The following MACROD2 variants were observed in gnomAD, a reference collection of about 807,000 sequenced individuals.
The protein encoded by MACROD2 is mono-ADP ribosylhydrolase 2, also known as ADP-ribose glycohydrolase MACROD2.
In MACROD2, 36 loss-of-function variants were observed where a neutral mutation model predicts 70.4. That is an observed-to-expected ratio of 0.51 (90% CI 0.39 to 0.68). The LOEUF (loss-of-function observed/expected upper bound fraction) is 0.68. MACROD2 is among the 30% of genes least tolerant of loss of function. MACROD2 has a pLI of 0.00. For missense variants in MACROD2, 496 were observed against 538.4 expected (o/e 0.92, Z 0.78); for synonymous variants, 172 against 178.8 (o/e 0.96, Z 0.30).
intron 5 of MACROD2, among the ~76,000 whole-genome samples, chr20:14,752,774 CA>C (rs903042937): frequency 1.3e-5 from 2 of 151,984 alleles, no homozygotes; most frequent in African/African-American, 4.8e-5. Flanking sequence ...TCATGAGACA[CA>C]GATTTTGTAG....
At chr20:15,663,518 G>T (rs1320057947) in intron 8 of MACROD2, among the ~76,000 whole-genome samples, 1 of 151,930 alleles carries the variant, frequency 6.6e-6, no homozygotes, top group African/African-American at 2.4e-5. Context: ...ATATAGGCAT[G>T]AGCCATCGTG....
intron 3 of MACROD2, among the ~76,000 whole-genome samples, chr20:14,210,362 G>T (rs2081560359): frequency 1.3e-5 from 2 of 152,208 alleles, no homozygotes; most frequent in Admixed American, 6.5e-5. Flanking sequence ...AGGAACCTAT[G>T]TCGGCACCCA....
At chr20:14,051,846 T>G in intron 2 of MACROD2, 1 of 493,252 alleles carries the variant, frequency 2.0e-6, no homozygotes, top group Admixed American at 2.1e-5. Flanking sequence ...ATCCTTTTTG[T>G]GAGGAGATGG....
intron 8 of MACROD2, among the ~76,000 whole-genome samples, chr20:15,636,076 G>GAAAAAAAAAAAAA (rs57402806): frequency 3.6e-4 from 31 of 85,830 alleles, no homozygotes; most frequent in South Asian, 6.0e-4. Context: ...CCTCTCAAAA[G>GAAAAAAAAAAAAA]AAAAAAAAAA....
intron 8 of MACROD2, among the ~76,000 whole-genome samples, chr20:15,567,560 C>T (rs982362405): frequency 3.7e-4 from 57 of 152,216 alleles, no homozygotes; most frequent in African/African-American, 1.1e-3. Flanking sequence ...TTTCCAGACT[C>T]CTGGGTACCT....
At position 15,236,875 on chromosome 20, in the gene MACROD2, G is replaced by A. The variant is rs1053638657; in HGVS notation, c.540+6814G>A. Among the ~76,000 whole-genome samples the A allele has an allele frequency of 2.0e-5, 3 of 152,268 alleles. No homozygotes were observed. The South Asian group carries it at 6.2e-4, about 32-fold the overall frequency. ...AAACTGAGGTAGTCTAAATCTAGTGGCCTAAGCCACTGTGAAGTTCCTTTT... is the reference window on the plus strand; with the variant it reads ...AAACTGAGGTAGTCTAAATCTAGTGACCTAAGCCACTGTGAAGTTCCTTTT... On this transcript the variant is annotated intron_variant, in intron 6 of 17. Transcript: ENST00000684519.
At position 13,995,566 on chromosome 20, in the gene MACROD2, G is replaced by A; in HGVS notation, c.-198G>A. ...CGGCGTCCGCGGGGCTGAGGCGGGT[G>A]GGAGCCGGAGCCGAGCGCGGGCTGA... On this transcript the variant is annotated 5_prime_UTR_variant, in exon 1 of 18. Transcript: ENST00000684519. This position sits in a 1 kb window ranked among gnomAD's most constrained non-coding sequence, Gnocchi z 4.3. The A allele has an allele frequency of 4.6e-6, 3 of 657,792 alleles. No homozygotes were observed. The highest frequency in any genetic ancestry group is 8.4e-6 in the Non-Finnish European group (3 of 356,982). 40.7% of individuals were successfully genotyped at this position (657,792 alleles called of 1,614,324 possible). A position where few individuals can be genotyped will look rare whatever the true frequency, so the allele number is the denominator to read the frequency against.
At chr20:15,818,381 C>A (rs753729967) in intron 8 of MACROD2, among the ~76,000 whole-genome samples, 4 of 152,168 alleles carry the variant, frequency 2.6e-5, no homozygotes, top group Non-Finnish European at 5.9e-5. Flanking sequence ...GTTCCTCCCC[C>A]TTTTAGACCA....
chr20:15,950,474 T>C (rs1004200121), intron 12 of MACROD2, among the ~76,000 whole-genome samples: 1 of 152,094 alleles, frequency 6.6e-6, no homozygotes. Context: ...CAACTGATCA[T>C]TGTAAATAAA....
At chr20:15,439,093 T>A (rs564550597) in intron 7 of MACROD2, among the ~76,000 whole-genome samples, 1 of 152,318 alleles carries the variant, frequency 6.6e-6, no homozygotes, top group South Asian at 2.1e-4. Context: ...TACAGCATTT[T>A]ACTTCAGTTA....
intron 3 of MACROD2, among the ~76,000 whole-genome samples, chr20:14,380,004 G>A (rs1216329138): frequency 6.6e-6 from 1 of 152,004 alleles, no homozygotes; most frequent in East Asian, 1.9e-4. Flanking sequence ...TCTATGTTTA[G>A]TTTTTAAGGA....
intron 10 of MACROD2, among the ~76,000 whole-genome samples, chr20:15,908,513 T>G (rs1490674212): frequency 3.3e-5 from 5 of 152,242 alleles, no homozygotes; most frequent in Non-Finnish European, 1.5e-5. Flanking sequence ...CCTTTGAATG[T>G]GTCCTGCTTC....
At chr20:15,005,628 T>C (rs2075029653) in intron 5 of MACROD2, among the ~76,000 whole-genome samples, 1 of 152,174 alleles carries the variant, frequency 6.6e-6, no homozygotes, top group Non-Finnish European at 1.5e-5. Context: ...AGGTAGTTCT[T>C]CTATCTTTAG....
chr20:14,434,700 A>G lies in MACROD2; in HGVS notation c.272-58779A>G, dbSNP rs949574156. Among the ~76,000 whole-genome samples the G allele has an allele frequency of 6.6e-5, 10 of 152,144 alleles. No individual in the cohort carries two copies. In the South Asian group the frequency reaches 1.2e-3, roughly 19 times the overall value. On this transcript the variant is annotated intron_variant, in intron 3 of 17. Coordinates refer to ENST00000684519, the MANE Select transcript of MACROD2 (RefSeq NM_001351661.2). ...CATGCTATTGTTTTTCCTTTTTTCAAAATAACTCTCTTGACTCTATGTCCC... is the reference window on the plus strand; with the variant it reads ...CATGCTATTGTTTTTCCTTTTTTCAGAATAACTCTCTTGACTCTATGTCCC...
intron 5 of MACROD2, among the ~76,000 whole-genome samples, chr20:14,916,204 C>G (rs1346040299): frequency 6.6e-6 from 1 of 152,166 alleles, no homozygotes; most frequent in African/African-American, 2.4e-5. Flanking sequence ...TAATTCCCAA[C>G]TCCGTCAGAG....
chr20:15,504,699 A>T (rs1277888396), intron 8 of MACROD2, among the ~76,000 whole-genome samples: 2 of 152,198 alleles, frequency 1.3e-5, no homozygotes, highest in Non-Finnish European at 2.9e-5. Context: ...GAGTTCAGAA[A>T]ACCAAAAGAA....
chr20:14,241,650 G>A (rs1266575318), intron 3 of MACROD2, among the ~76,000 whole-genome samples: 2 of 152,070 alleles, frequency 1.3e-5, no homozygotes, highest in Non-Finnish European at 2.9e-5. Context: ...TACCTTGTCA[G>A]GGAAGTTAAG....
At chr20:15,711,137 C>T (rs1355749579) in intron 8 of MACROD2, among the ~76,000 whole-genome samples, 6 of 152,110 alleles carry the variant, frequency 3.9e-5, no homozygotes, top group African/African-American at 7.2e-5. Context: ...GTGTTGAAGA[C>T]AGGTAATCGG....
intron 3 of MACROD2, among the ~76,000 whole-genome samples, chr20:14,357,824 A>G (rs1288439457): frequency 6.6e-6 from 1 of 152,238 alleles, no homozygotes; most frequent in Non-Finnish European, 1.5e-5. Context: ...GATACAATTC[A>G]TGCAAATAAA....
Sources: allele counts gnomAD v4.1 joint callset (sites outside exome capture counted in the v4.1 genomes callset), GRCh38; gene constraint gnomAD v4.1.1; non-coding constraint Gnocchi (gnomAD v3.1); transcripts MANE v1.5; gene names NCBI Gene and HGNC (gene_info 2026-07-23, HGNC 2026-07-21).